CHMP4C: variants seen among roughly 807,000 people sequenced by gnomAD.
The protein encoded by CHMP4C is charged multivesicular body protein 4C.
CHMP4C carries 28 observed loss-of-function variants against 29.0 expected under a neutral mutation model. That is an observed-to-expected ratio of 0.97 (90% CI 0.72 to 1.32). CHMP4C has a LOEUF of 1.32. Ranked by LOEUF, CHMP4C falls within the 40% of genes most tolerant of loss-of-function variation. CHMP4C has a pLI of 0.00. For synonymous variants in CHMP4C, 106 were observed against 102.4 expected (o/e 1.04, Z -0.21); for missense variants, 291 against 281.0 (o/e 1.04, Z -0.25).
At chr8:81,740,855 T>A (rs557843900) in intron 1 of CHMP4C, among the ~76,000 whole-genome samples, 1 of 152,228 alleles carries the variant, frequency 6.6e-6, no homozygotes, top group African/African-American at 2.4e-5. Context: ...AGGTTCAGGA[T>A]CTTGGTACTC....
At chr8:81,739,416 TG>T (rs1373864151) in intron 1 of CHMP4C, among the ~76,000 whole-genome samples, 14 of 16,142 alleles carry the variant, frequency 8.7e-4, no homozygotes, top group African/African-American at 5.7e-3. Context: ...CCTGGGGGAT[TG>T]TGGGGGGGGG....
intron 1 of CHMP4C, among the ~76,000 whole-genome samples, chr8:81,747,964 G>A (rs1387903250): frequency 6.6e-6 from 1 of 152,142 alleles, no homozygotes; most frequent in African/African-American, 2.4e-5. Context: ...TAATAAGCCT[G>A]GGAGCGCTAT....
chr8:81,758,540 C>T lies in CHMP4C; in HGVS notation c.698C>T (p.Thr233Ile), dbSNP rs1432359376. 3 of 1,606,414 alleles carry T rather than the reference C, an allele frequency of 1.9e-6. No homozygotes were observed. Among genetic ancestry groups the T allele is most frequent in the Non-Finnish European group, 2.6e-6 (3 of 1,173,134 alleles). The stretch of plus-strand genomic sequence containing the variant: ...ATCAAACAATTGGCAGCTTGGGCTA[C>T]CTAAACTAAAACACATTTTTGATAC... The part of the protein sequence containing the change: ...DDIKQLAAWA[T>I] Residue 233 changes from threonine (T) to isoleucine (I), a missense_variant, in exon 5 of 5, where the codon ACC (threonine) becomes ATC (isoleucine). Thr to Ile is a moderately conservative substitution (Grantham distance 89). Coordinates refer to ENST00000297265, the MANE Select transcript of CHMP4C (RefSeq NM_152284.4).
chr8:81,742,072 A>G (rs1808768563), intron 1 of CHMP4C, among the ~76,000 whole-genome samples: 1 of 152,216 alleles, frequency 6.6e-6, no homozygotes, highest in Admixed American at 6.5e-5. Context: ...AGCTTCTAAG[A>G]TCATGGTTTA....
At chr8:81,739,963 T>G (rs1290474472) in intron 1 of CHMP4C, among the ~76,000 whole-genome samples, 1 of 152,242 alleles carries the variant, frequency 6.6e-6, no homozygotes, top group African/African-American at 2.4e-5. Context: ...TGACATTTAT[T>G]TCTATTAAAT....
intron 1 of CHMP4C, among the ~76,000 whole-genome samples, chr8:81,739,420 G>GGGGT (rs1554592455): frequency 7.4e-6 from 1 of 135,052 alleles, no homozygotes; most frequent in Non-Finnish European, 1.5e-5. Context: ...GGGGATTGTG[G>GGGGT]GGGGGGGTGG....
At chr8:81,745,833 A>G (rs1333483698) in intron 1 of CHMP4C, among the ~76,000 whole-genome samples, 1 of 152,210 alleles carries the variant, frequency 6.6e-6, no homozygotes, top group Non-Finnish European at 1.5e-5. Context: ...AATGTTGTCC[A>G]GGTCTCATCA....
chr8:81,746,510 T>G (rs2130485402), intron 1 of CHMP4C, among the ~76,000 whole-genome samples: 1 of 152,322 alleles, frequency 6.6e-6, no homozygotes, highest in African/African-American at 2.4e-5. Flanking sequence ...GTTTTTATTT[T>G]TATAGAAGAG....
chr8:81,747,108 C>G (rs1474050888), intron 1 of CHMP4C, among the ~76,000 whole-genome samples: 1 of 152,112 alleles, frequency 6.6e-6, no homozygotes, highest in East Asian at 1.9e-4. Context: ...CTTCTAGGTA[C>G]TGTTGTTCTT....
chr8:81,743,602 G>A (rs1421523114), intron 1 of CHMP4C, among the ~76,000 whole-genome samples: 2 of 152,140 alleles, frequency 1.3e-5, no homozygotes, highest in Non-Finnish European at 2.9e-5. Flanking sequence ...GACTTCTGAA[G>A]CAATTAATTA....
At chr8:81,739,170 C>G (rs1231493092) in intron 1 of CHMP4C, among the ~76,000 whole-genome samples, 1 of 145,358 alleles carries the variant, frequency 6.9e-6, no homozygotes, top group African/African-American at 2.6e-5. Context: ...GATCTCGGCT[C>G]ACTGCAACCT....
At chr8:81,751,639 A>G (rs1388356859) in intron 1 of CHMP4C, among the ~76,000 whole-genome samples, 1 of 152,168 alleles carries the variant, frequency 6.6e-6, no homozygotes, top group Admixed American at 6.5e-5. Context: ...CTACATAAAG[A>G]CAAGAAAGCA....
At chr8:81,750,437 C>CA (rs1808884843) in intron 1 of CHMP4C, among the ~76,000 whole-genome samples, 1 of 141,548 alleles carries the variant, frequency 7.1e-6, no homozygotes, top group Non-Finnish European at 1.5e-5. Context: ...TCTGTCTCTA[C>CA]AAAAAAATTA....
chr8:81,749,411 T>C (rs555618765), intron 1 of CHMP4C, among the ~76,000 whole-genome samples: 20 of 152,298 alleles, frequency 1.3e-4, no homozygotes, highest in East Asian at 1.2e-3. Flanking sequence ...TGTTATGTAT[T>C]TTGTTGGCCA....
chr8:81,750,168 G>A (rs1448310351), intron 1 of CHMP4C, among the ~76,000 whole-genome samples: 1 of 152,096 alleles, frequency 6.6e-6, no homozygotes, highest in Non-Finnish European at 1.5e-5. Context: ...ATTAAAAAAT[G>A]AGCAACTAAA....
At chr8:81,758,107 T>C in intron 3 of CHMP4C, 35 bp from the exon 4 acceptor site, 1 of 1,605,460 alleles carries the variant, frequency 6.2e-7, no homozygotes, top group Non-Finnish European at 8.5e-7. Context: ...TCTTGAAACG[T>C]TAACTCCATA....
Position 81,758,575 on chromosome 8 carries a change from T to C in CHMP4C, c.*31T>C. ...AACACATTTTTGATACCTAAATTAA[T>C]GAGCTATAGATAAAATATAAAAAAT... On this transcript the variant is annotated 3_prime_UTR_variant, in exon 5 of 5. Coordinates refer to ENST00000297265, the MANE Select transcript of CHMP4C (RefSeq NM_152284.4). The C allele has an allele frequency of 1.5e-6, 2 of 1,375,648 alleles. No individual in the cohort carries two copies. The highest frequency in any genetic ancestry group is 1.7e-5 in the Admixed American group (1 of 59,386). The allele number at this position is 1,375,648 out of a possible 1,614,324, so 85.2% of individuals were successfully genotyped here.
At chr8:81,739,296 A>G (rs1808731424) in intron 1 of CHMP4C, among the ~76,000 whole-genome samples, 1 of 148,940 alleles carries the variant, frequency 6.7e-6, no homozygotes, top group Non-Finnish European at 1.5e-5. Flanking sequence ...GACGGTTTTC[A>G]CCCTGTGTCA....
At chr8:81,733,889 G>A in intron 1 of CHMP4C, among the ~76,000 whole-genome samples, 1 of 152,120 alleles carries the variant, frequency 6.6e-6, no homozygotes, top group East Asian at 1.9e-4. Flanking sequence ...GGAAGATTTG[G>A]CTCACTCTAC....
Sources: allele counts gnomAD v4.1 joint callset (sites outside exome capture counted in the v4.1 genomes callset), GRCh38; gene constraint gnomAD v4.1.1; transcripts MANE v1.5; gene names NCBI Gene and HGNC (gene_info 2026-07-23, HGNC 2026-07-21).